BCAS3: variants seen among roughly 807,000 people sequenced by gnomAD.
BCAS3 encodes the protein BCAS4/BCAS3 fusion.
BCAS3 carries 53 observed loss-of-function variants against 116.1 expected under a neutral mutation model. That is an observed-to-expected ratio of 0.46 (90% CI 0.37 to 0.57). The LOEUF (loss-of-function observed/expected upper bound fraction) is 0.57. Among genes scored for constraint, BCAS3 ranks in the 20% least tolerant of loss-of-function variants. The pLI, the probability that BCAS3 is intolerant of heterozygous loss-of-function variation, is 0.00. For missense variants in BCAS3, 917 were observed against 1,165.4 expected, an observed-to-expected ratio of 0.79 and a Z score of 3.10; for synonymous variants, 391 against 408.2, an observed-to-expected ratio of 0.96 and a Z score of 0.51.
At chr17:60,766,939 G>T (rs2044161347) in intron 6 of BCAS3, among the ~76,000 whole-genome samples, 1 of 152,198 alleles carries the variant, frequency 6.6e-6, no homozygotes, top group Non-Finnish European at 1.5e-5. Context: ...TTACTGCCTT[G>T]CAGTTTGATC....
intron 13 of BCAS3, among the ~76,000 whole-genome samples, chr17:60,927,807 A>G (rs1401868593): frequency 2.0e-5 from 3 of 152,192 alleles, no homozygotes; most frequent in Admixed American, 1.3e-4. Flanking sequence ...TCACATTTAT[A>G]TATAATTCTC....
intron 15 of BCAS3, among the ~76,000 whole-genome samples, chr17:60,996,614 G>T (rs944281839): frequency 2.6e-5 from 4 of 152,168 alleles, no homozygotes; most frequent in Non-Finnish European, 5.9e-5. Flanking sequence ...CTGATGGTAA[G>T]TAGGTAGTTG....
intron 7 of BCAS3, among the ~76,000 whole-genome samples, chr17:60,815,451 A>G (rs2049290837): frequency 6.6e-6 from 1 of 152,196 alleles, no homozygotes; most frequent in South Asian, 2.1e-4. Flanking sequence ...AATAATAAAA[A>G]AAAAGGAAAA....
At chr17:61,306,002 C>T (rs1387792358) in intron 22 of BCAS3, among the ~76,000 whole-genome samples, 2 of 152,220 alleles carry the variant, frequency 1.3e-5, no homozygotes, top group Non-Finnish European at 2.9e-5. Flanking sequence ...GTGCTTCCTT[C>T]TTGTTTCACT....
At chr17:61,305,126 A>G (rs2053751032) in intron 22 of BCAS3, among the ~76,000 whole-genome samples, 1 of 152,118 alleles carries the variant, frequency 6.6e-6, no homozygotes, top group South Asian at 2.1e-4. Flanking sequence ...CTTTTTTAGG[A>G]GGATTACCAT....
At chr17:60,796,653 A>G (rs1294317288) in intron 6 of BCAS3, among the ~76,000 whole-genome samples, 1 of 151,954 alleles carries the variant, frequency 6.6e-6, no homozygotes, top group Non-Finnish European at 1.5e-5. Flanking sequence ...AATTTTATTT[A>G]TCTTTTCTAA....
At chr17:60,924,271 A>G in intron 12 of BCAS3, 136 bp from the exon 13 acceptor site, 1 of 678,084 alleles carries the variant, frequency 1.5e-6, no homozygotes, top group South Asian at 2.0e-5. Context: ...TTCTCTCCTT[A>G]TATTGGCAAG....
chr17:60,811,321 G>A (rs2048794652), intron 7 of BCAS3: 2 of 715,432 alleles, frequency 2.8e-6, no homozygotes, highest in Admixed American at 2.0e-5. Flanking sequence ...GTCACCTGCT[G>A]GAAGATGGTG....
intron 5 of BCAS3, among the ~76,000 whole-genome samples, chr17:60,726,476 A>G (rs566678047): frequency 1.7e-4 from 26 of 149,002 alleles, no homozygotes; most frequent in African/African-American, 6.5e-4. Context: ...CTGGGATTAT[A>G]GGCATGAGCC....
At chr17:61,053,257 G>A (rs2069052464) in intron 19 of BCAS3, among the ~76,000 whole-genome samples, 1 of 152,044 alleles carries the variant, frequency 6.6e-6, no homozygotes, top group African/African-American at 2.4e-5. Context: ...TTGTACTGCT[G>A]GCATACAAAT....
At chr17:60,853,830 T>C (rs1054893339) in intron 7 of BCAS3, among the ~76,000 whole-genome samples, 2 of 152,232 alleles carry the variant, frequency 1.3e-5, no homozygotes, top group Non-Finnish European at 2.9e-5. Flanking sequence ...TGTTGTAGCA[T>C]GTATAAACAC....
chr17:61,257,241 G>A (rs951989835), intron 22 of BCAS3, among the ~76,000 whole-genome samples: 1 of 151,990 alleles, frequency 6.6e-6, no homozygotes, highest in Non-Finnish European at 1.5e-5. Context: ...CCAATATGGT[G>A]AAACCCCATC....
chr17:60,899,340 G>A (rs532869641), intron 10 of BCAS3, among the ~76,000 whole-genome samples: 4 of 152,254 alleles, frequency 2.6e-5, no homozygotes, highest in Non-Finnish European at 4.4e-5. Flanking sequence ...TCGCAACCAA[G>A]TCTTAGTGGC....
At chr17:60,959,783 G>T (rs763305884) in intron 14 of BCAS3, among the ~76,000 whole-genome samples, 1 of 152,138 alleles carries the variant, frequency 6.6e-6, no homozygotes, top group Non-Finnish European at 1.5e-5. Flanking sequence ...GTTTTGGAGG[G>T]CAAAAATCTA....
At position 61,241,070 on chromosome 17, in the gene BCAS3, T is replaced by G. The variant is rs1009468378; in HGVS notation, c.2426-127257T>G. Among the ~76,000 whole-genome samples the G allele has an allele frequency of 6.6e-6, 1 of 152,212 alleles. No homozygotes were observed. The highest frequency in any genetic ancestry group is 1.5e-5 in the Non-Finnish European group (1 of 68,040). ...CCCCTCAGTTCTCACTCTCCATCAC[T>G]TACCCTTCAAAAGACTCTGAATAGC... On this transcript the variant is annotated intron_variant, in intron 22 of 23. Coordinates refer to ENST00000407086, the MANE Select transcript of BCAS3 (RefSeq NM_017679.5). This position sits in a 1 kb window ranked among gnomAD's most constrained non-coding sequence, Gnocchi z 4.6.
At position 61,131,129 on chromosome 17, in the gene BCAS3, C is replaced by G. The variant is rs1021956793; in HGVS notation, c.2425+46565C>G. On this transcript the variant is annotated intron_variant, in intron 22 of 23. Transcript: ENST00000407086. This position sits in a 1 kb window ranked among gnomAD's most constrained non-coding sequence, Gnocchi z 4.4. ...CTCTGCCACTACCTAGCTAGGTTGACCTTTAACAAGTCTATTTAACTTTTT... is the reference window on the plus strand; with the variant it reads ...CTCTGCCACTACCTAGCTAGGTTGAGCTTTAACAAGTCTATTTAACTTTTT... Among the ~76,000 whole-genome samples the G allele has an allele frequency of 6.6e-5, 10 of 151,976 alleles. No homozygotes were observed. Among genetic ancestry groups the G allele is most frequent in the African/African-American group, 2.2e-4 (9 of 41,362 alleles).
chr17:61,343,629 G>C lies in BCAS3; in HGVS notation c.2426-24698G>C, dbSNP rs1407206383. ...AGAGGTTTGAGCCAAACAACTGGAT[G>C]GCAAGGCAACAGACATCCCACTGCC... is the stretch of plus-strand genomic sequence containing the variant. On this transcript the variant is annotated intron_variant, in intron 22 of 23. Coordinates refer to ENST00000407086, the MANE Select transcript of BCAS3 (RefSeq NM_017679.5). The surrounding 1 kb of genome is among the most constrained non-coding windows in gnomAD (Gnocchi z 5.5). Among the ~76,000 whole-genome samples the C allele has an allele frequency of 3.3e-5, 5 of 152,220 alleles. No individual in the cohort carries two copies. The highest frequency in any genetic ancestry group is 1.2e-4 in the African/African-American group (5 of 41,464).
intron 22 of BCAS3, among the ~76,000 whole-genome samples, chr17:61,283,870 C>T (rs892066778): frequency 2.6e-5 from 4 of 151,870 alleles, no homozygotes; most frequent in Admixed American, 1.3e-4. Flanking sequence ...CTCAAACAGT[C>T]CTCCTGCCTC....
rs1004917475 is a variant in BCAS3, at chr17:61,188,058, C to T, written c.2425+103494C>T. Among the ~76,000 whole-genome samples the T allele has an allele frequency of 2.0e-5, 3 of 152,136 alleles. No individual in the cohort carries two copies. The highest frequency in any genetic ancestry group is 7.2e-5 in the African/African-American group (3 of 41,430). On this transcript the variant is annotated intron_variant, in intron 22 of 23. Coordinates refer to ENST00000407086, the MANE Select transcript of BCAS3 (RefSeq NM_017679.5). The surrounding 1 kb of genome is among the most constrained non-coding windows in gnomAD (Gnocchi z 4.0). ...AAATGTTCCTGTCTTTAACATTCAT[C>T]TTCCAGTGTACAAATGCAGCTAATA... is the stretch of plus-strand genomic sequence containing the variant.
Sources: allele counts gnomAD v4.1 joint callset (sites outside exome capture counted in the v4.1 genomes callset), GRCh38; gene constraint gnomAD v4.1.1; non-coding constraint Gnocchi (gnomAD v3.1); transcripts MANE v1.5; gene names NCBI Gene and HGNC (gene_info 2026-07-23, HGNC 2026-07-21).